Variants in MARCHF1 observed in about 807,000 individuals in gnomAD.
MARCHF1 encodes the protein membrane associated ring-CH-type finger 1.
MARCHF1 carries 40 observed loss-of-function variants against 54.2 expected under a neutral mutation model. That is an observed-to-expected ratio of 0.74 (90% CI 0.57 to 0.96). MARCHF1 has a LOEUF of 0.96. Ranked by LOEUF, MARCHF1 falls within the 40% of genes least tolerant of loss-of-function variation. The probability of loss-of-function intolerance (pLI) is 0.00; values close to 1 mark genes in which losing one functional copy is unlikely to be tolerated. For synonymous variants in MARCHF1, 236 were observed against 236.3 expected, an observed-to-expected ratio of 1.00 and a Z score of 0.01; for missense variants, 586 against 656.5, an observed-to-expected ratio of 0.89 and a Z score of 1.17.
intron 1 of MARCHF1, among the ~76,000 whole-genome samples, chr4:164,281,850 C>T (rs544854139): frequency 3.9e-5 from 6 of 152,158 alleles, no homozygotes; most frequent in Non-Finnish European, 7.4e-5. Flanking sequence ...AGCCAGTCAG[C>T]GTGTCCTTCT....
At chr4:164,287,064 AT>A (rs1734168514) in intron 1 of MARCHF1, among the ~76,000 whole-genome samples, 2 of 148,882 alleles carry the variant, frequency 1.3e-5, no homozygotes, top group African/African-American at 4.9e-5. Flanking sequence ...GAAGAAAAAA[AT>A]AATTTTATAG....
intron 3 of MARCHF1, among the ~76,000 whole-genome samples, chr4:163,982,903 A>T (rs1351015068): frequency 6.6e-6 from 1 of 152,250 alleles, no homozygotes; most frequent in Non-Finnish European, 1.5e-5. Flanking sequence ...AGTGTGTGCC[A>T]TTGATTCAAT....
intron 3 of MARCHF1, among the ~76,000 whole-genome samples, chr4:163,887,047 T>G (rs1750553676): frequency 6.6e-6 from 1 of 152,130 alleles, no homozygotes. Flanking sequence ...AGCTTATTAT[T>G]TAATCAACAT....
At chr4:163,670,815 T>C (rs1327818354) in intron 5 of MARCHF1, among the ~76,000 whole-genome samples, 1 of 152,198 alleles carries the variant, frequency 6.6e-6, no homozygotes, top group African/African-American at 2.4e-5. Context: ...AATGTTTTTA[T>C]TTTGGTAGTA....
chr4:164,135,125 C>A (rs1375586790), intron 1 of MARCHF1, among the ~76,000 whole-genome samples: 1 of 152,164 alleles, frequency 6.6e-6, no homozygotes, highest in Non-Finnish European at 1.5e-5. Flanking sequence ...TTATGTAGAG[C>A]TTCCTTAGCT....
intron 1 of MARCHF1, among the ~76,000 whole-genome samples, chr4:164,333,223 C>A (rs918040094): frequency 6.6e-6 from 1 of 152,038 alleles, no homozygotes; most frequent in Non-Finnish European, 1.5e-5. Flanking sequence ...TAATAGATTA[C>A]AAAATTGTGT....
intron 1 of MARCHF1, among the ~76,000 whole-genome samples, chr4:164,268,028 A>G (rs1475861253): frequency 1.3e-5 from 2 of 152,192 alleles, no homozygotes; most frequent in Non-Finnish European, 2.9e-5. Flanking sequence ...AAATCATCAA[A>G]GCAAGCTCAT....
chr4:163,959,425 C>A (rs1473714702), intron 3 of MARCHF1, among the ~76,000 whole-genome samples: 1 of 151,704 alleles, frequency 6.6e-6, no homozygotes, highest in African/African-American at 2.4e-5. Context: ...TACTACAGGG[C>A]TACAGTAACC....
intron 1 of MARCHF1, among the ~76,000 whole-genome samples, chr4:164,147,126 AC>A (rs755647870): frequency 6.6e-6 from 1 of 152,166 alleles, no homozygotes; most frequent in Non-Finnish European, 1.5e-5. Context: ...ACTATGAGAT[AC>A]CATCTCACAC....
At chr4:164,145,138 T>C (rs1276428703) in intron 1 of MARCHF1, among the ~76,000 whole-genome samples, 16 of 150,756 alleles carry the variant, frequency 1.1e-4, no homozygotes, top group Non-Finnish European at 2.1e-4. Flanking sequence ...GTTGAATCTC[T>C]GAATAGACCA....
intron 4 of MARCHF1, among the ~76,000 whole-genome samples, chr4:163,827,283 T>C (rs973998907): frequency 2.0e-5 from 3 of 151,998 alleles, no homozygotes; most frequent in Admixed American, 6.6e-5. Flanking sequence ...ATTGACTTTT[T>C]CTCCATGGGA....
In MARCHF1 at chr4:164,194,373, C is replaced by A. The variant is rs534665727; in HGVS notation, c.-322-82711G>T. On this transcript the variant is annotated intron_variant, in intron 1 of 9. Transcript: ENST00000514618. ...GCAGGTGGGAAAGGCATGATGACTT[C>A]ACTGGGAGCATAATGTGAGAACCAT... Among the ~76,000 whole-genome samples the A allele has an allele frequency of 5.3e-5, 8 of 152,264 alleles. No homozygotes were observed. The East Asian group carries it at 1.5e-3, about 29-fold the overall frequency.
intron 2 of MARCHF1, among the ~76,000 whole-genome samples, chr4:164,001,811 A>T (rs964280312): frequency 6.6e-6 from 1 of 151,900 alleles, no homozygotes; most frequent in Non-Finnish European, 1.5e-5. Context: ...TAAAATCCGT[A>T]TAACTGTCCC....
In MARCHF1 at chr4:164,107,093, G is replaced by C. The variant is rs187568648; in HGVS notation, c.-248+4495C>G. Among the ~76,000 whole-genome samples the C allele has an allele frequency of 3.3e-4, 51 of 152,242 alleles. 1 individual carries two copies. Among genetic ancestry groups the C allele is most frequent in the East Asian group, 1.9e-4 (1 of 5,172 alleles). Reference sequence around the variant, plus strand: ...ACTGCTATCCTTTCTTTTAGACAAGGAGAGTATAATAAATACAAAGCTATG... The same window carrying C: ...ACTGCTATCCTTTCTTTTAGACAAGCAGAGTATAATAAATACAAAGCTATG... On this transcript the variant is annotated intron_variant, in intron 2 of 9. Transcript: ENST00000514618.
chr4:163,867,922 G>T, intron 3 of MARCHF1, among the ~76,000 whole-genome samples: 1 of 146,210 alleles, frequency 6.8e-6, no homozygotes. Context: ...TCACACTTGT[G>T]GACATGCTAT....
At chr4:164,180,630 A>C (rs920166093) in intron 1 of MARCHF1, among the ~76,000 whole-genome samples, 2 of 152,184 alleles carry the variant, frequency 1.3e-5, no homozygotes, top group African/African-American at 4.8e-5. Flanking sequence ...CTTTAAGCAG[A>C]TAATGTTTTA....
At chr4:163,661,908 T>C (rs1743355521) in intron 5 of MARCHF1, among the ~76,000 whole-genome samples, 1 of 152,116 alleles carries the variant, frequency 6.6e-6, no homozygotes, top group South Asian at 2.1e-4. Context: ...AATATTTTTA[T>C]GCTATCATGC....
chr4:164,034,047 G>A (rs993208629), intron 2 of MARCHF1, among the ~76,000 whole-genome samples: 1 of 145,476 alleles, frequency 6.9e-6, no homozygotes, highest in Admixed American at 6.9e-5. Flanking sequence ...ATGATAGACT[G>A]GATAAAGAAA....
intron 1 of MARCHF1, among the ~76,000 whole-genome samples, chr4:164,209,618 G>A (rs1030415251): frequency 2.0e-5 from 3 of 152,038 alleles, no homozygotes; most frequent in Admixed American, 6.6e-5. Context: ...TAGCCAAAAA[G>A]CAAAACAAAA....
Sources: allele counts gnomAD v4.1 joint callset (sites outside exome capture counted in the v4.1 genomes callset), GRCh38; gene constraint gnomAD v4.1.1; transcripts MANE v1.5; gene names NCBI Gene and HGNC (gene_info 2026-07-23, HGNC 2026-07-21).